SLC16A7: variants seen among roughly 807,000 people sequenced by gnomAD.
The protein encoded by SLC16A7 is solute carrier family 16 member 7.
SLC16A7 carries 33 observed loss-of-function variants against 34.9 expected under a neutral mutation model. The ratio of observed to expected loss-of-function variants is 0.94; its 90% confidence interval spans 0.72 to 1.26. The LOEUF is 1.26. Among genes scored for constraint, SLC16A7 ranks in the 50% most tolerant of loss-of-function variants. The pLI is 0.00. For missense variants in SLC16A7, 573 were observed against 578.1 expected (o/e 0.99, Z 0.09); for synonymous variants, 201 against 206.6 (o/e 0.97, Z 0.23).
At chr12:59,761,206 C>T (rs1490005786) in intron 3 of SLC16A7, 2 of 1,198,718 alleles carry the variant, frequency 1.7e-6, no homozygotes, top group African/African-American at 1.6e-5. Context: ...TGCCTAGGTA[C>T]ATGAAACTGT....
intron 1 of SLC16A7, among the ~76,000 whole-genome samples, chr12:59,647,455 C>T (rs1197364624): frequency 1.3e-5 from 2 of 152,144 alleles, no homozygotes; most frequent in African/African-American, 4.8e-5. Context: ...TGTAAGTTTC[C>T]CAAGGCCTCC....
intron 3 of SLC16A7, among the ~76,000 whole-genome samples, chr12:59,728,108 A>G (rs1236400134): frequency 1.3e-5 from 2 of 152,180 alleles, no homozygotes; most frequent in Non-Finnish European, 2.9e-5. Flanking sequence ...TAGCTTCAAA[A>G]CATACAGTAA....
intron 2 of SLC16A7, among the ~76,000 whole-genome samples, chr12:59,698,303 A>G (rs1054688738): frequency 6.6e-6 from 1 of 151,810 alleles, no homozygotes; most frequent in Non-Finnish European, 1.5e-5. Flanking sequence ...GAGATATTCA[A>G]ATCTTAGAAC....
chr12:59,629,525 A>C (rs1565624120), intron 1 of SLC16A7, among the ~76,000 whole-genome samples: 1 of 151,968 alleles, frequency 6.6e-6, no homozygotes, highest in African/African-American at 2.4e-5. Flanking sequence ...TTATCTACTA[A>C]TAAGTAATAA....
At chr12:59,666,356 T>C (rs1869205848) in intron 2 of SLC16A7, among the ~76,000 whole-genome samples, 1 of 152,220 alleles carries the variant, frequency 6.6e-6, no homozygotes, top group African/African-American at 2.4e-5. Flanking sequence ...GCTAAATTTA[T>C]ATATCAGTTC....
At position 59,779,471 on chromosome 12, in the gene SLC16A7, G is replaced by T; in HGVS notation, c.1229G>T (p.Cys410Phe). 1 of 1,611,386 alleles carries T rather than the reference G, an allele frequency of 6.2e-7. No homozygotes were observed. Among genetic ancestry groups the T allele is most frequent in the East Asian group, 2.2e-5 (1 of 44,844 alleles). ...GAATATAAATACATGTACATGTCCT[G>T]TGGGGCTATTGTGGTAGCAGCAAGC... Reference protein sequence around the residue: ...TGEYKYMYMSCGAIVVAASVW... With the variant: ...TGEYKYMYMSFGAIVVAASVW... The change falls in exon 6 of 6, where the codon TGT (cysteine) becomes TTT (phenylalanine). Residue 410 changes from cysteine to phenylalanine, a missense_variant. Transcript: ENST00000547379.
chr12:59,602,479 C>CTTTTTTTTTTT (rs34035713), intron 1 of SLC16A7, among the ~76,000 whole-genome samples: 1 of 80,280 alleles, frequency 1.2e-5, no homozygotes, highest in Non-Finnish European at 2.3e-5. Context: ...GTGTTTTGGG[C>CTTTTTTTTTTT]TTTTTTTTTT....
intron 3 of SLC16A7, chr12:59,761,300 T>C (rs1880988663): frequency 4.5e-6 from 2 of 442,762 alleles, no homozygotes; most frequent in African/African-American, 2.1e-5. Context: ...TAAAGTCTGA[T>C]GGTTAGGTTT....
At chr12:59,704,291 A>G (rs2137139096) in intron 2 of SLC16A7, among the ~76,000 whole-genome samples, 1 of 152,164 alleles carries the variant, frequency 6.6e-6, no homozygotes, top group African/African-American at 2.4e-5. Flanking sequence ...AGCGTAGACA[A>G]CAGAAAGCAA....
At chr12:59,637,493 G>A (rs1388075748) in intron 1 of SLC16A7, among the ~76,000 whole-genome samples, 1 of 151,216 alleles carries the variant, frequency 6.6e-6, no homozygotes, top group Admixed American at 6.6e-5. Flanking sequence ...CACCTTTGTA[G>A]GGTTAGAAAG....
At chr12:59,741,671 G>A (rs1309329975) in intron 3 of SLC16A7, among the ~76,000 whole-genome samples, 1 of 152,182 alleles carries the variant, frequency 6.6e-6, no homozygotes, top group Non-Finnish European at 1.5e-5. Context: ...TGAATCTGAA[G>A]AAAATTCACG....
chr12:59,609,617 G>A (rs960306902), intron 1 of SLC16A7, among the ~76,000 whole-genome samples: 2 of 152,102 alleles, frequency 1.3e-5, no homozygotes, highest in Non-Finnish European at 2.9e-5. Context: ...TATTTAGGGT[G>A]TTGGTTTCTG....
chr12:59,735,342 A>G (rs1428042308), intron 3 of SLC16A7, among the ~76,000 whole-genome samples: 1 of 152,206 alleles, frequency 6.6e-6, no homozygotes, highest in Non-Finnish European at 1.5e-5. Flanking sequence ...GAATATCAAT[A>G]TCACTCTTCA....
Position 59,660,161 on chromosome 12 carries a change from ACT to A in SLC16A7, c.-31+4914_-31+4915del, listed in dbSNP as rs370554929. Among the ~76,000 whole-genome samples the A allele has an allele frequency of 9.9e-5, 15 of 151,482 alleles. No individual in the cohort carries two copies. The East Asian group carries it at 2.1e-3, about 22-fold the overall frequency. On this transcript the variant is annotated intron_variant, in intron 2 of 5. Coordinates refer to ENST00000547379, the MANE Select transcript of SLC16A7 (RefSeq NM_001270623.2). ...AATCCTTTAGATTTTTTTTTAAAAA[ACT>A]CTTTTTTTAAAAGAATTTTATGCTA...
At position 59,780,915 on chromosome 12, in the gene SLC16A7, A is replaced by G. The variant is rs1307115216; in HGVS notation, c.*1236A>G. 1 of 152,152 alleles carries G rather than the reference A, an allele frequency of 6.6e-6. No homozygotes were observed. The highest frequency in any genetic ancestry group is 1.5e-5 in the Non-Finnish European group (1 of 68,028). The allele number at this position is 152,152 out of a possible 1,614,324, so 9.4% of individuals were successfully genotyped here. A position where few individuals can be genotyped will look rare whatever the true frequency, so the allele number is the denominator to read the frequency against. ...CACTGGAAATGCCTCCTGGGATAAG[A>G]ATGGCAGCACTTGAAAATTCTGCCC... On this transcript the variant is annotated 3_prime_UTR_variant, in exon 6 of 6. Coordinates refer to ENST00000547379, the MANE Select transcript of SLC16A7 (RefSeq NM_001270623.2).
At chr12:59,618,042 G>A (rs1879533577) in intron 1 of SLC16A7, among the ~76,000 whole-genome samples, 1 of 150,822 alleles carries the variant, frequency 6.6e-6, no homozygotes, top group African/African-American at 2.4e-5. Context: ...GTATCCTTGA[G>A]TTTTTTTTTC....
At chr12:59,769,580 T>A (rs956432335) in intron 3 of SLC16A7, among the ~76,000 whole-genome samples, 24 of 152,136 alleles carry the variant, frequency 1.6e-4, no homozygotes, top group Non-Finnish European at 1.9e-4. Flanking sequence ...GTTTGAGTTA[T>A]CTCTTTCTGA....
chr12:59,773,092 T>G (rs543065789), intron 4 of SLC16A7, among the ~76,000 whole-genome samples: 107 of 151,820 alleles, frequency 7.0e-4, no homozygotes, highest in Non-Finnish European at 1.3e-3. Context: ...GGGAAAATGA[T>G]TGATATAAGA....
intron 1 of SLC16A7, among the ~76,000 whole-genome samples, chr12:59,598,645 A>G (rs1878540125): frequency 6.6e-6 from 1 of 152,218 alleles, no homozygotes; most frequent in Non-Finnish European, 1.5e-5. Context: ...TTGTCCATTA[A>G]TAGTGATCCT....
Sources: gnomAD v4.1 joint callset for allele counts (sites outside exome capture counted in the v4.1 genomes callset) on GRCh38, gnomAD v4.1.1 for gene constraint, MANE v1.5 for transcripts, NCBI Gene and HGNC (gene_info 2026-07-23, HGNC 2026-07-21) for gene names.